EML2: variants seen among roughly 807,000 people sequenced by gnomAD.
The protein encoded by EML2 is echinoderm microtubule-associated protein-like 2.
In EML2, 59 loss-of-function variants were observed where a neutral mutation model predicts 84.7. The ratio of observed to expected loss-of-function variants is 0.70; its 90% confidence interval spans 0.56 to 0.86. EML2 has a LOEUF of 0.86. Among genes scored for constraint, EML2 ranks in the 40% least tolerant of loss-of-function variants. The pLI, the probability that EML2 is intolerant of heterozygous loss-of-function variation, is 0.00. For missense variants in EML2, 818 were observed against 855.6 expected, an observed-to-expected ratio of 0.96 and a Z score of 0.55; for synonymous variants, 352 against 348.9, an observed-to-expected ratio of 1.01 and a Z score of -0.10.
intron 1 of EML2, 29 bp from the exon 2 acceptor site, chr19:45,638,902 G>C: frequency 1.2e-6 from 2 of 1,612,106 alleles, no homozygotes; most frequent in Middle Eastern, 1.6e-4. Flanking sequence ...GAAAAAAAAA[G>C]GGTCTTAGTA....
chr19:45,643,770 C>T (rs2122857849), upstream of EML2: 1 of 1,490,480 alleles, frequency 6.7e-7, no homozygotes, highest in Non-Finnish European at 8.9e-7. Context: ...GCCCAATCGC[C>T]TGCCGAGGCT....
At chr19:45,645,426 ACGCCCTT>A (rs766870415), upstream of EML2, 7 of 1,458,248 alleles carry the variant, frequency 4.8e-6, no homozygotes, top group South Asian at 9.6e-5. Flanking sequence ...TGCCATAGCA[ACGCCCTT>A]CGTTCCAGCA....
intron 18 of EML2, among the ~76,000 whole-genome samples, chr19:45,613,319 C>G (rs1970682202): frequency 1.3e-5 from 2 of 152,190 alleles, no homozygotes; most frequent in Admixed American, 1.3e-4. Flanking sequence ...CTCAGAATTG[C>G]AGTTGCTCAG....
At chr19:45,642,303 C>T (rs1034322262), upstream of EML2, 17 of 1,535,826 alleles carry the variant, frequency 1.1e-5, no homozygotes, top group African/African-American at 1.6e-4. Flanking sequence ...GCTCCAGCGC[C>T]GACACGCGGT....
chr19:45,609,539 A>T lies in EML2; in HGVS notation c.*124T>A. ...AATAGAGACTTCTGTATGTCAGTCT[A>T]CCCTCCCGCCCCCATAACCCCCTCT... On this transcript the variant is annotated 3_prime_UTR_variant, in exon 19 of 19. Coordinates refer to ENST00000245925, the MANE Select transcript of EML2 (RefSeq NM_012155.4). The T allele has an allele frequency of 1.0e-6, 1 of 989,956 alleles. No homozygotes were observed. Among genetic ancestry groups the T allele is most frequent in the Non-Finnish European group, 1.4e-6 (1 of 738,648 alleles). The allele number at this position is 989,956 out of a possible 1,614,324, so 61.3% of individuals were successfully genotyped here.
rs759300337 is a variant in EML2 at position 45,619,191 on chromosome 19, C to G, written c.1123G>C (p.Gly375Arg). 4.3e-6 allele frequency: 7 copies of G among 1,609,700 alleles called. No individual in the cohort carries two copies. The Admixed American group carries it at 1.2e-4, about 27-fold the overall frequency. Residue 375 changes from glycine to arginine, a missense_variant and splice_region_variant, in exon 12 of 19, where the codon GGC (glycine) becomes CGC (arginine). Gly to Arg is a moderately radical substitution (Grantham distance 125). Transcript: ENST00000245925. The part of the protein sequence containing the change: ...VHTGFSLLVQ[G>R]HVEELWGLAT... ...AGGCCCCACAGCTCTTCCACATGGC[C>G]CTGGTGGAAAGGGAGGACAGCAGGA...
chr19:45,619,245 C>T (rs1971432565), intron 11 of EML2, 54 bp from the exon 12 acceptor site: 1 of 1,562,668 alleles, frequency 6.4e-7, no homozygotes, highest in Non-Finnish European at 8.7e-7. Context: ...CCTTTTCCCA[C>T]TCAACACTAA....
intron 4 of EML2, among the ~76,000 whole-genome samples, chr19:45,634,118 G>A (rs1482919537): frequency 6.6e-6 from 1 of 152,100 alleles, no homozygotes; most frequent in Non-Finnish European, 1.5e-5. Context: ...TAAAACACCT[G>A]AAATATTGAA....
At chr19:45,621,658 G>A in intron 9 of EML2, 21 bp from the exon 10 acceptor site, 10 of 1,601,152 alleles carry the variant, frequency 6.2e-6, no homozygotes, top group African/African-American at 1.3e-5. Flanking sequence ...GCCAGGGGCA[G>A]GGTCAACAGG....
upstream of EML2, chr19:45,642,145 G>A: frequency 6.6e-7 from 1 of 1,509,334 alleles, no homozygotes; most frequent in Non-Finnish European, 8.8e-7. Context: ...CGAGGCAGTG[G>A]TGCCTAAGCG....
chr19:45,637,662 C>CTTTTTTTTTT, intron 3 of EML2, among the ~76,000 whole-genome samples: 1 of 45,792 alleles, frequency 2.2e-5, no homozygotes, highest in African/African-American at 6.5e-5. Context: ...TTTTCTTTTT[C>CTTTTTTTTTT]TTTTCTTTTT....
At chr19:45,645,298 C>A, upstream of EML2, 1 of 1,533,654 alleles carries the variant, frequency 6.5e-7, no homozygotes, top group South Asian at 1.2e-5. Context: ...GCAGCGAGGA[C>A]GTGTCGTACA....
At chr19:45,642,006 G>A, upstream of EML2, 4 of 1,445,000 alleles carry the variant, frequency 2.8e-6, no homozygotes, top group Non-Finnish European at 3.6e-6. Flanking sequence ...CCATTAAGGG[G>A]CGTCCTGGTG....
At chr19:45,641,967 A>T, upstream of EML2, 1 of 1,443,912 alleles carries the variant, frequency 6.9e-7, no homozygotes, top group Non-Finnish European at 9.1e-7. Context: ...GACGTGGCAT[A>T]GCCACCCACG....
At chr19:45,620,889 CTG>C in intron 11 of EML2, 1 of 447,932 alleles carries the variant, frequency 2.2e-6, no homozygotes. Context: ...GAGCTGGAGT[CTG>C]AGAGGTGTGT....
At position 45,621,206 on chromosome 19, in the gene EML2, C is replaced by T. The variant is rs1179668470; in HGVS notation, c.1122+1G>A. 2 of 1,613,432 alleles carry T rather than the reference C, an allele frequency of 1.2e-6. No individual in the cohort carries two copies. The highest frequency in any genetic ancestry group is 2.2e-5 in the South Asian group (2 of 91,076). ...GAGGGGTGCAGAGGAGAGAGGCGCA[C>T]CTGGACCAGCAGTGAGAAGCCTGTG... On this transcript the variant is annotated splice_donor_variant, in intron 11 of 18. Coordinates refer to ENST00000245925, the MANE Select transcript of EML2 (RefSeq NM_012155.4). LOFTEE classifies it high-confidence loss of function.
Position 45,630,031 on chromosome 19 carries a change from G to T in EML2, c.526C>A (p.Leu176Met). 6.2e-7 allele frequency: 1 copy of T among 1,612,526 alleles called. No homozygotes were observed. The highest frequency in any genetic ancestry group is 2.2e-5 in the East Asian group (1 of 44,810). The change falls in exon 7 of 19, where the codon CTG (leucine) becomes ATG (methionine). Residue 176 changes from leucine (L) to methionine (M), a missense_variant. Coordinates refer to ENST00000245925, the MANE Select transcript of EML2 (RefSeq NM_012155.4). ...TCATTGGATTCATCCACTGCACACA[G>T]CAGGTTGCCTCCATTCTAAAGAGGA... is the stretch of plus-strand genomic sequence containing the variant. ...GFSKSNGGNLLCAVDESNDHM... is the reference protein window; with the variant it reads ...GFSKSNGGNLMCAVDESNDHM...
At chr19:45,639,251 G>T in intron 1 of EML2, 106 bp downstream of exon 1, 1 of 1,131,842 alleles carries the variant, frequency 8.8e-7, no homozygotes, top group Non-Finnish European at 1.2e-6. Context: ...TAAGGGAAGG[G>T]GCGTGTCCCC....
At chr19:45,624,863 A>T (rs1568457846) in intron 8 of EML2, 45 bp from the exon 9 acceptor site, 1 of 1,433,640 alleles carries the variant, frequency 7.0e-7, no homozygotes, top group African/African-American at 1.4e-5. Flanking sequence ...TCACTGAAGC[A>T]GGTAGCCTCC....
Sources: gnomAD v4.1 joint callset for allele counts (sites outside exome capture counted in the v4.1 genomes callset) on GRCh38, gnomAD v4.1.1 for gene constraint, MANE v1.5 for transcripts, NCBI Gene and HGNC (gene_info 2026-07-23, HGNC 2026-07-21) for gene names.